The following FHIT variants were observed in gnomAD, a reference collection of about 807,000 sequenced individuals.
FHIT encodes bis(5'-adenosyl)-triphosphatase.
A neutral mutation model predicts 17.9 loss-of-function variants in FHIT; 19 were observed. The observed-to-expected ratio is 1.06, with a 90% CI of 0.74 to 1.56. FHIT has a LOEUF of 1.56. Ranked by LOEUF, FHIT falls within the 40% of genes most tolerant of loss-of-function variation. The probability of loss-of-function intolerance (pLI) is 0.00; values close to 1 mark genes in which losing one functional copy is unlikely to be tolerated. For synonymous variants in FHIT, 81 were observed against 69.7 expected (o/e 1.16, Z -0.81); for missense variants, 248 against 189.2 (o/e 1.31, Z -1.82).
intron 5 of FHIT, among the ~76,000 whole-genome samples, chr3:60,517,756 T>C (rs992070198): frequency 6.6e-6 from 1 of 152,200 alleles, no homozygotes; most frequent in Non-Finnish European, 1.5e-5. Flanking sequence ...GATCTGTCTT[T>C]TCAATATTAC....
chr3:60,837,018 T>C (rs1299790842), intron 3 of FHIT, among the ~76,000 whole-genome samples: 2 of 152,316 alleles, frequency 1.3e-5, no homozygotes, highest in Middle Eastern at 3.4e-3. Context: ...TTTGAATGCT[T>C]TAAGTTCCTG....
chr3:60,650,243 C>A (rs1282377267), intron 4 of FHIT, among the ~76,000 whole-genome samples: 1 of 152,318 alleles, frequency 6.6e-6, no homozygotes, highest in Non-Finnish European at 1.5e-5. Context: ...TACTACAGAA[C>A]ACATGCCTCT....
At chr3:59,774,085 T>C (rs73837797) in intron 8 of FHIT, among the ~76,000 whole-genome samples, 6,519 of 152,290 alleles carry the variant, frequency 0.043, 213 homozygotes, top group South Asian at 0.087. Context: ...ATTATGTTTA[T>C]TTTGGACAGG....
intron 5 of FHIT, among the ~76,000 whole-genome samples, chr3:60,058,302 T>C (rs764305312): frequency 4.0e-5 from 6 of 151,870 alleles, no homozygotes; most frequent in Admixed American, 2.6e-4. Context: ...AGCTAATTTT[T>C]GTATTTTTAG....
intron 7 of FHIT, among the ~76,000 whole-genome samples, chr3:59,941,483 T>C (rs1324362379): frequency 2.5e-4 from 38 of 152,188 alleles, no homozygotes; most frequent in Non-Finnish European, 1.5e-5. Flanking sequence ...GCAAAGGGCC[T>C]CCTTGTGATA....
At chr3:60,359,827 G>C (rs1350784506) in intron 5 of FHIT, among the ~76,000 whole-genome samples, 2 of 152,154 alleles carry the variant, frequency 1.3e-5, no homozygotes, top group African/African-American at 4.8e-5. Flanking sequence ...CAAGATAATA[G>C]AATTTTATAT....
chr3:60,835,705 C>T (rs1394584119), intron 3 of FHIT, among the ~76,000 whole-genome samples: 2 of 152,162 alleles, frequency 1.3e-5, no homozygotes, highest in African/African-American at 2.4e-5. Context: ...ATAGCCTCAA[C>T]CTCCTGAGCT....
intron 3 of FHIT, among the ~76,000 whole-genome samples, chr3:60,861,171 T>TATATATGATATATA (rs1358617646): frequency 0.021 from 11 of 528 alleles, 1 homozygote; most frequent in African/African-American, 0.045. Flanking sequence ...ATATCATATG[T>TATATATGATATATA]TCTATGATAT....
At chr3:60,348,248 G>A (rs902664257) in intron 5 of FHIT, among the ~76,000 whole-genome samples, 1 of 152,138 alleles carries the variant, frequency 6.6e-6, no homozygotes, top group East Asian at 1.9e-4. Flanking sequence ...CTTAGCAAAG[G>A]AGAGTTTTTA....
At chr3:60,363,421 A>G (rs1410475630) in intron 5 of FHIT, among the ~76,000 whole-genome samples, 1 of 152,192 alleles carries the variant, frequency 6.6e-6, no homozygotes, top group Non-Finnish European at 1.5e-5. Context: ...AATGGCTACA[A>G]TGTATTGAGC....
chr3:60,173,915 A>ATATATATATATATATTTTTTTTT lies in FHIT; in HGVS notation c.104-159764_104-159763insAAAAAAAAATATATATATATATA. On this transcript the variant is annotated intron_variant, in intron 5 of 9. Transcript: ENST00000492590. ...TATATATATATATATATATATATAT[A>ATATATATATATATATTTTTTTTT]TGTTTTTTTTTTTTTTTGAGATCGA... is the stretch of plus-strand genomic sequence containing the variant. Among the ~76,000 whole-genome samples the ATATATATATATATATTTTTTTTT allele has an allele frequency of 5.3e-4, 35 of 66,418 alleles. 3 individuals are homozygous for ATATATATATATATATTTTTTTTT. Among genetic ancestry groups the ATATATATATATATATTTTTTTTT allele is most frequent in the East Asian group, 1.6e-3 (2 of 1,256 alleles). 43.6% of individuals were successfully genotyped at this position (66,418 alleles called of 152,430 possible).
chr3:60,619,934 A>G (rs934005178), intron 4 of FHIT, among the ~76,000 whole-genome samples: 12 of 151,904 alleles, frequency 7.9e-5, no homozygotes, highest in East Asian at 3.8e-4. Context: ...AAGAACTGTT[A>G]TCCAAAATAT....
chr3:61,035,210 G>A (rs1039463704), intron 3 of FHIT, among the ~76,000 whole-genome samples: 4 of 152,178 alleles, frequency 2.6e-5, no homozygotes, highest in Non-Finnish European at 4.4e-5. Flanking sequence ...GAACTGGATA[G>A]AGATGATGAT....
At chr3:60,868,060 C>G (rs191572635) in intron 3 of FHIT, among the ~76,000 whole-genome samples, 1 of 152,136 alleles carries the variant, frequency 6.6e-6, no homozygotes, top group African/African-American at 2.4e-5. Flanking sequence ...TATGACATAT[C>G]TGAATAGAAT....
In FHIT at chr3:60,386,698, A is replaced by T. The variant is rs548820735; in HGVS notation, c.103+150162T>A. Reference sequence around the variant, plus strand: ...ACACATGGGTCAAAATCACTAGTCTAATCTCAGTACTCTACCTGCAAAAGA... The same window carrying T: ...ACACATGGGTCAAAATCACTAGTCTTATCTCAGTACTCTACCTGCAAAAGA... On this transcript the variant is annotated intron_variant, in intron 5 of 9. Transcript: ENST00000492590. Among the ~76,000 whole-genome samples, 144 of 152,308 alleles carry T rather than the reference A, an allele frequency of 9.5e-4. 1 individual carries two copies. The highest frequency in any genetic ancestry group is 3.2e-3 in the African/African-American group (132 of 41,580).
chr3:60,543,684 T>G (rs2036258906), intron 4 of FHIT, among the ~76,000 whole-genome samples: 2 of 152,170 alleles, frequency 1.3e-5, no homozygotes, highest in South Asian at 4.1e-4. Context: ...TTCTTATAGC[T>G]GGCAATCTAG....
intron 3 of FHIT, among the ~76,000 whole-genome samples, chr3:60,906,003 G>C (rs1165173081): frequency 6.6e-6 from 1 of 151,942 alleles, no homozygotes; most frequent in African/African-American, 2.4e-5. Context: ...ATTTAAAAAG[G>C]ATTTATAAAG....
At chr3:60,713,093 C>A (rs1553705613) in intron 4 of FHIT, among the ~76,000 whole-genome samples, 2 of 152,306 alleles carry the variant, frequency 1.3e-5, no homozygotes, top group African/African-American at 2.4e-5. Context: ...GACCACAGTG[C>A]AATCAAAGTA....
intron 1 of FHIT, among the ~76,000 whole-genome samples, chr3:61,239,073 C>T (rs867094133): frequency 6.6e-6 from 1 of 152,104 alleles, no homozygotes. Flanking sequence ...GAAGCATCAG[C>T]CAGGACTGTA....
Sources: gnomAD v4.1 joint callset for allele counts (sites outside exome capture counted in the v4.1 genomes callset) on GRCh38, gnomAD v4.1.1 for gene constraint, MANE v1.5 for transcripts, NCBI Gene and HGNC (gene_info 2026-07-23, HGNC 2026-07-21) for gene names.